The following TLL1 variants were observed in gnomAD, a reference collection of about 807,000 sequenced individuals.
TLL1 encodes the protein tolloid-like protein 1.
TLL1 carries 49 observed loss-of-function variants against 128.2 expected under a neutral mutation model. The ratio of observed to expected loss-of-function variants is 0.38; its 90% CI spans 0.30 to 0.48. The LOEUF (loss-of-function observed/expected upper bound fraction) is 0.48, where lower values mean the gene tolerates loss of function less well. Among genes scored for constraint, TLL1 ranks in the 20% least tolerant of loss-of-function variants. The pLI is 0.96. For synonymous variants in TLL1, 454 were observed against 418.8 expected (o/e 1.08, Z -1.03); for missense variants, 1,123 against 1,242.0 (o/e 0.90, Z 1.44).
intron 18 of TLL1, among the ~76,000 whole-genome samples, chr4:166,088,738 A>G (rs1382011871): frequency 3.3e-5 from 5 of 152,076 alleles, no homozygotes; most frequent in Non-Finnish European, 7.4e-5. Context: ...TCCACCAGTA[A>G]TTTGATAAAG....
intron 1 of TLL1, among the ~76,000 whole-genome samples, chr4:165,950,797 G>C (rs2110939546): frequency 6.6e-6 from 1 of 152,074 alleles, no homozygotes; most frequent in East Asian, 1.9e-4. Context: ...AGCATTAAAT[G>C]CTTATATTTA....
At chr4:166,094,024 T>G (rs1741903159) in intron 19 of TLL1, among the ~76,000 whole-genome samples, 1 of 152,136 alleles carries the variant, frequency 6.6e-6, no homozygotes, top group Admixed American at 6.6e-5. Context: ...AAATGGAATT[T>G]CTTATGTCTT....
intron 7 of TLL1, 41 bp downstream of exon 7, chr4:166,008,089 T>C: frequency 6.9e-7 from 1 of 1,448,620 alleles, no homozygotes; most frequent in Admixed American, 1.7e-5. Flanking sequence ...TTAATTCCTT[T>C]CCTCCATGTG....
At chr4:166,072,738 T>A (rs75648967) in intron 16 of TLL1, among the ~76,000 whole-genome samples, 2,043 of 152,218 alleles carry the variant, frequency 0.013, 49 homozygotes, top group African/African-American at 0.046. Context: ...CAATAATGCA[T>A]GTGTTATTGA....
chr4:166,065,189 C>A (rs773071368), intron 15 of TLL1, among the ~76,000 whole-genome samples: 1 of 152,004 alleles, frequency 6.6e-6, no homozygotes, highest in African/African-American at 2.4e-5. Flanking sequence ...CTGCAGCAAC[C>A]CTACAGAGTA....
At chr4:166,055,457 G>T (rs1739960320) in intron 13 of TLL1, among the ~76,000 whole-genome samples, 186 bp downstream of exon 13, 1 of 152,116 alleles carries the variant, frequency 6.6e-6, no homozygotes, top group Non-Finnish European at 1.5e-5. Context: ...CATAGCACAG[G>T]ATAGGAATTC....
chr4:165,913,417 C>T (rs1040284805), intron 1 of TLL1, among the ~76,000 whole-genome samples: 4 of 152,118 alleles, frequency 2.6e-5, no homozygotes, highest in Non-Finnish European at 5.9e-5. Context: ...TTTTGAAATA[C>T]GGTTTAATTA....
intron 9 of TLL1, 23 bp from the exon 10 acceptor site, chr4:166,039,316 G>A: frequency 2.0e-6 from 3 of 1,528,176 alleles, no homozygotes; most frequent in Non-Finnish European, 2.7e-6. Context: ...TTACTCTGTG[G>A]GTTGCTTACC....
chr4:165,876,623 A>G (rs1403536250), intron 1 of TLL1, among the ~76,000 whole-genome samples: 3 of 152,228 alleles, frequency 2.0e-5, no homozygotes, highest in Non-Finnish European at 4.4e-5. Context: ...ACAGCTCAAT[A>G]TGGTAGAGTT....
chr4:166,029,239 C>A lies in TLL1; in HGVS notation c.1158+3808C>A, dbSNP rs181462054. ...TACTCTATCATTTGGTACTCTCTAC[C>A]AGCTTTCTTTCTTAATCAAATTATA... On this transcript the variant is annotated intron_variant, in intron 9 of 20. Coordinates refer to ENST00000061240, the MANE Select transcript of TLL1 (RefSeq NM_012464.5). Among the ~76,000 whole-genome samples, 329 of 151,898 alleles carry A rather than the reference C, an allele frequency of 2.2e-3. 1 individual carries two copies. The highest frequency in any genetic ancestry group is 7.3e-3 in the African/African-American group (302 of 41,460).
intron 1 of TLL1, among the ~76,000 whole-genome samples, chr4:165,986,120 T>A (rs1471525554): frequency 2.6e-5 from 4 of 152,014 alleles, no homozygotes; most frequent in Non-Finnish European, 5.9e-5. Context: ...ACTTTGTTTT[T>A]TGAGGTAAAA....
intron 9 of TLL1, among the ~76,000 whole-genome samples, 197 bp downstream of exon 9, chr4:166,025,628 A>T (rs1738460481): frequency 6.6e-6 from 1 of 152,170 alleles, no homozygotes; most frequent in African/African-American, 2.4e-5. Context: ...TTTTTGATGC[A>T]ATAGGAGGGT....
intron 9 of TLL1, among the ~76,000 whole-genome samples, chr4:166,028,442 T>G (rs759385892): frequency 1.1e-4 from 17 of 152,056 alleles, no homozygotes; most frequent in Non-Finnish European, 2.1e-4. Flanking sequence ...GATATGACCT[T>G]GGAAGTGACT....
In TLL1 at chr4:166,007,983, A is replaced by T; in HGVS notation, c.852A>T (p.Val284=). 6.2e-7 allele frequency: 1 copy of T among 1,609,908 alleles called. No homozygotes were observed. Among genetic ancestry groups the T allele is most frequent in the Non-Finnish European group, 8.5e-7 (1 of 1,176,886 alleles). ...YNFLKMEPGE[V]NSLGERYDFD... is the part of the protein sequence containing the mutation. ...TTCTGAAGATGGAGCCTGGAGAAGT[A>T]AACTCACTTGGAGAAAGATATGATT... The change falls in exon 7 of 21, where the codon GTA becomes GTT. Residue 284 remains valine, a synonymous_variant. Transcript: ENST00000061240.
chr4:166,055,354 G>C, intron 13 of TLL1, 83 bp downstream of exon 13: 1 of 1,225,638 alleles, frequency 8.2e-7, no homozygotes, highest in Non-Finnish European at 1.2e-6. Flanking sequence ...GGGAGAACTA[G>C]AGAAAGTTGT....
chr4:165,973,967 G>C (rs989397334), intron 1 of TLL1, among the ~76,000 whole-genome samples: 2 of 150,672 alleles, frequency 1.3e-5, no homozygotes, highest in Non-Finnish European at 3.0e-5. Context: ...TGCCCAACCA[G>C]CGTTAGTTCT....
intron 15 of TLL1, among the ~76,000 whole-genome samples, chr4:166,062,362 C>T (rs1290886646): frequency 6.6e-6 from 1 of 152,060 alleles, no homozygotes; most frequent in Non-Finnish European, 1.5e-5. Context: ...ATGGAATGTT[C>T]TTCCATTTGT....
At chr4:165,898,926 G>C (rs1731820073) in intron 1 of TLL1, among the ~76,000 whole-genome samples, 1 of 152,152 alleles carries the variant, frequency 6.6e-6, no homozygotes, top group Non-Finnish European at 1.5e-5. Context: ...GGTCTATTTG[G>C]AGATTCAACT....
rs377042841 is a variant in TLL1, at chr4:165,992,817, C to G, written c.294C>G (p.Asp98Glu). Reference protein sequence around the residue: ...NLGHTTGGLGDHAMSKKRGAL... With the variant: ...NLGHTTGGLGEHAMSKKRGAL... ...TTATTCTTTAAGGTGGACTTGGAGA[C>G]CATGCTATGTCAAAGAAGCGAGGGG... Residue 98 changes from aspartate to glutamate, a missense_variant, in exon 3 of 21, where the codon GAC becomes GAG. By Grantham distance (45) the Asp-to-Glu change is conservative. Around this residue, in one of 3 missense-constraint regions of TLL1, gnomAD observed 480 missense variants for 542.4 expected, o/e 0.89. Coordinates refer to ENST00000061240, the MANE Select transcript of TLL1 (RefSeq NM_012464.5). 1.9e-6 allele frequency: 3 copies of G among 1,613,184 alleles called. No homozygotes were observed. The highest frequency in any genetic ancestry group is 2.5e-6 in the Non-Finnish European group (3 of 1,179,332).
Sources: allele counts gnomAD v4.1 joint callset (sites outside exome capture counted in the v4.1 genomes callset), GRCh38; gene constraint gnomAD v4.1.1; regional missense constraint gnomAD v4.1.1; transcripts MANE v1.5; gene names NCBI Gene and HGNC (gene_info 2026-07-23, HGNC 2026-07-21).